Variants in DSCAML1 observed in about 807,000 individuals in gnomAD.
The protein encoded by DSCAML1 is cell adhesion molecule DSCAML1.
DSCAML1 carries 38 observed loss-of-function variants against 200.5 expected under a neutral mutation model. That is an observed-to-expected ratio of 0.19 (90% confidence interval 0.15 to 0.25). DSCAML1 has a LOEUF of 0.25. Among genes scored for constraint, DSCAML1 ranks in the 10% least tolerant of loss-of-function variants. The probability of loss-of-function intolerance (pLI) is 1.00; values close to 1 mark genes in which losing one functional copy is unlikely to be tolerated. For missense variants in DSCAML1, 2,223 were observed against 2,858.8 expected, an observed-to-expected ratio of 0.78 and a Z score of 5.07; for synonymous variants, 1,215 against 1,165.0, an observed-to-expected ratio of 1.04 and a Z score of -0.87.
intron 3 of DSCAML1, among the ~76,000 whole-genome samples, chr11:117,630,009 A>G (rs556919192): frequency 2.0e-5 from 3 of 152,084 alleles, no homozygotes; most frequent in Non-Finnish European, 2.9e-5. Context: ...TCCAAAAAAG[A>G]GAGAGATGGG....
intron 3 of DSCAML1, 44 bp from the exon 4 acceptor site, chr11:117,532,566 T>A: frequency 6.3e-7 from 1 of 1,592,082 alleles, no homozygotes; most frequent in South Asian, 1.2e-5. Context: ...CCCGGTTTCG[T>A]ACAGCCTCAG....
chr11:117,520,486 T>A (rs2049863675), intron 6 of DSCAML1, among the ~76,000 whole-genome samples: 1 of 152,092 alleles, frequency 6.6e-6, no homozygotes, highest in South Asian at 2.1e-4. Context: ...TTCTAGTAAT[T>A]TCCAAGGGCA....
chr11:117,484,884 ACAGTGT>A (rs2049006433), intron 11 of DSCAML1, among the ~76,000 whole-genome samples: 1 of 132,252 alleles, frequency 7.6e-6, no homozygotes, highest in South Asian at 2.7e-4. Flanking sequence ...AAGCAGAGGA[ACAGTGT>A]GTGTGTGTGT....
chr11:117,711,923 T>C (rs1256193440), intron 3 of DSCAML1, among the ~76,000 whole-genome samples: 2 of 152,244 alleles, frequency 1.3e-5, no homozygotes, highest in Non-Finnish European at 2.9e-5. Flanking sequence ...ATTACTCCCA[T>C]TACATTTGTT....
At chr11:117,609,944 T>C (rs2051653562) in intron 3 of DSCAML1, among the ~76,000 whole-genome samples, 1 of 152,104 alleles carries the variant, frequency 6.6e-6, no homozygotes, top group Non-Finnish European at 1.5e-5. Flanking sequence ...AGAACTGGCC[T>C]TGCCCCTGTG....
intron 3 of DSCAML1, among the ~76,000 whole-genome samples, chr11:117,638,527 A>C (rs2052337676): frequency 6.6e-6 from 1 of 152,180 alleles, no homozygotes; most frequent in Admixed American, 6.5e-5. Context: ...CACACCCTTT[A>C]GCTATCACTC....
intron 3 of DSCAML1, among the ~76,000 whole-genome samples, chr11:117,737,219 G>T (rs555830444): frequency 6.6e-6 from 1 of 152,312 alleles, no homozygotes; most frequent in Non-Finnish European, 1.5e-5. Flanking sequence ...AGTTAGAAAA[G>T]ATAATTTTCA....
chr11:117,461,574 G>A lies in DSCAML1; in HGVS notation c.3288C>T (p.Asn1096=), dbSNP rs541377938. 2.0e-5 allele frequency: 32 copies of A among 1,613,630 alleles called. 1 individual carries two copies. The African/African-American group carries it at 2.7e-4, about 13-fold the overall frequency. The part of the protein sequence containing the change: ...LEDVPSQPPE[N]VRALSITSDV... ...CAGAAGTGATGGACAGGGCCCGGAC[G>A]TTCTCAGGGGGCTGGCTGGGCACTG... The change falls in exon 18 of 33, where the codon AAC becomes AAT. Residue 1096 remains asparagine (N), a synonymous_variant. Transcript: ENST00000651296.
intron 14 of DSCAML1, among the ~76,000 whole-genome samples, chr11:117,478,918 C>T (rs2048851621): frequency 6.6e-6 from 1 of 152,238 alleles, no homozygotes. Context: ...TCAGATTGAA[C>T]TCCTGGGTGG....
chr11:117,619,324 C>T (rs941139029), intron 3 of DSCAML1, among the ~76,000 whole-genome samples: 6 of 152,166 alleles, frequency 3.9e-5, no homozygotes, highest in Non-Finnish European at 7.4e-5. Flanking sequence ...CTGGGGCACC[C>T]GATGGGCACC....
intron 3 of DSCAML1, among the ~76,000 whole-genome samples, chr11:117,554,440 G>A (rs1290681734): frequency 6.6e-6 from 1 of 152,094 alleles, no homozygotes; most frequent in African/African-American, 2.4e-5. Context: ...GAGTGCGGTG[G>A]TGCGATCTCG....
upstream of DSCAML1, among the ~76,000 whole-genome samples, chr11:117,799,410 T>G (rs762492888): frequency 9.9e-5 from 15 of 152,116 alleles, no homozygotes; most frequent in Non-Finnish European, 1.9e-4. Flanking sequence ...CTTCTTTGCA[T>G]CCACCCCAAG....
At chr11:117,723,174 A>G (rs2054068347) in intron 3 of DSCAML1, among the ~76,000 whole-genome samples, 1 of 152,260 alleles carries the variant, frequency 6.6e-6, no homozygotes, top group South Asian at 2.1e-4. Flanking sequence ...TATTTTTTAA[A>G]AAGTATTACT....
intron 3 of DSCAML1, among the ~76,000 whole-genome samples, chr11:117,718,098 T>TGGCAGGCGGAGC (rs2053982856): frequency 6.6e-6 from 1 of 152,248 alleles, no homozygotes; most frequent in African/African-American, 2.4e-5. Flanking sequence ...TGCACGTCCG[T>TGGCAGGCGGAGC]GGCAGGCGGA....
intron 8 of DSCAML1, among the ~76,000 whole-genome samples, chr11:117,508,695 AG>A: frequency 6.6e-6 from 1 of 152,036 alleles, no homozygotes; most frequent in Middle Eastern, 3.4e-3. Flanking sequence ...GAGCAAGGGG[AG>A]GGTGGAGGCA....
intron 3 of DSCAML1, among the ~76,000 whole-genome samples, chr11:117,560,702 T>C (rs2050645955): frequency 6.6e-6 from 1 of 152,186 alleles, no homozygotes. Flanking sequence ...GAGATGCCCC[T>C]GAGACTCAGA....
intron 11 of DSCAML1, among the ~76,000 whole-genome samples, chr11:117,492,712 C>T (rs756864360): frequency 7.2e-5 from 11 of 152,156 alleles, no homozygotes; most frequent in South Asian, 2.1e-4. Context: ...GTTGGCGCGC[C>T]GGGTGGTCGG....
intron 3 of DSCAML1, among the ~76,000 whole-genome samples, chr11:117,618,388 G>A (rs2051855265): frequency 6.6e-6 from 1 of 152,284 alleles, no homozygotes; most frequent in South Asian, 2.1e-4. Flanking sequence ...ACTTCCACCT[G>A]CTGGTTCTAC....
chr11:117,764,204 G>T (rs1332576669), intron 3 of DSCAML1, among the ~76,000 whole-genome samples: 2 of 152,254 alleles, frequency 1.3e-5, no homozygotes, highest in Non-Finnish European at 2.9e-5. Context: ...AAACACCAAG[G>T]CGTCTTTCTT....
Sources: gnomAD v4.1 joint callset for allele counts (sites outside exome capture counted in the v4.1 genomes callset) on GRCh38, gnomAD v4.1.1 for gene constraint, MANE v1.5 for transcripts, NCBI Gene and HGNC (gene_info 2026-07-23, HGNC 2026-07-21) for gene names.